The following MLLT10 variants were observed in gnomAD, a reference collection of about 807,000 sequenced individuals.
MLLT10 encodes MLLT10 histone lysine methyltransferase DOT1L cofactor.
Under a neutral mutation model 129.1 loss-of-function variants are expected in MLLT10, and 30 were observed. The observed-to-expected ratio is 0.23, with a 90% confidence interval of 0.17 to 0.32. MLLT10 has a LOEUF of 0.32. Among genes scored for constraint, MLLT10 ranks in the 10% least tolerant of loss-of-function variants. The probability of loss-of-function intolerance (pLI) is 1.00; values close to 1 mark genes in which losing one functional copy is unlikely to be tolerated. For missense variants in MLLT10, 1,119 were observed against 1,268.3 expected (o/e 0.88, Z 1.79); for synonymous variants, 490 against 446.4 (o/e 1.10, Z -1.23).
chr10:21,569,513 T>C (rs559110871), intron 3 of MLLT10, among the ~76,000 whole-genome samples: 2 of 151,292 alleles, frequency 1.3e-5, no homozygotes, highest in South Asian at 4.2e-4. Flanking sequence ...CTCCACCTCC[T>C]GGGTTCAAGC....
chr10:21,691,788 C>T (rs1239778984), intron 13 of MLLT10, among the ~76,000 whole-genome samples: 3 of 151,944 alleles, frequency 2.0e-5, no homozygotes, highest in Non-Finnish European at 4.4e-5. Flanking sequence ...GCAATGGTTA[C>T]AGCCAAGGAA....
intron 8 of MLLT10, among the ~76,000 whole-genome samples, chr10:21,620,353 C>A (rs765186374): frequency 6.6e-5 from 10 of 152,110 alleles, no homozygotes; most frequent in Non-Finnish European, 1.2e-4. Context: ...ACAGACAGTT[C>A]CCAATTTGAA....
intron 10 of MLLT10, 101 bp from the exon 11 acceptor site, chr10:21,673,249 A>G: frequency 1.4e-6 from 1 of 699,048 alleles, no homozygotes; most frequent in Non-Finnish European, 2.2e-6. Flanking sequence ...CTTCTCTTTA[A>G]TGATTATATC....
chr10:21,601,577 G>A (rs1332938766), intron 5 of MLLT10, among the ~76,000 whole-genome samples: 1 of 152,160 alleles, frequency 6.6e-6, no homozygotes, highest in East Asian at 1.9e-4. Context: ...CCAGGGTGGA[G>A]TGCAGTGGAC....
chr10:21,602,360 T>G (rs74120978), intron 5 of MLLT10, among the ~76,000 whole-genome samples: 1 of 152,156 alleles, frequency 6.6e-6, no homozygotes, highest in Non-Finnish European at 1.5e-5. Flanking sequence ...TTATTTATTT[T>G]TTTTTGAAAG....
intron 8 of MLLT10, among the ~76,000 whole-genome samples, chr10:21,643,476 T>C (rs528082867): frequency 7.9e-5 from 12 of 152,354 alleles, no homozygotes; most frequent in Middle Eastern, 3.4e-3. Context: ...CCACAGCTAT[T>C]CCAGTAAGTT....
chr10:21,651,601 T>TA (rs908785724), intron 8 of MLLT10, 72 bp from the exon 9 acceptor site: 15 of 974,196 alleles, frequency 1.5e-5, no homozygotes, highest in South Asian at 3.0e-5. Flanking sequence ...TTACTAGTTA[T>TA]AAAAAAATCT....
intron 4 of MLLT10, among the ~76,000 whole-genome samples, chr10:21,594,436 C>T (rs1322683552): frequency 6.6e-6 from 1 of 151,280 alleles, no homozygotes; most frequent in Admixed American, 6.6e-5. Context: ...GTAATCCCAG[C>T]TACTGGGTCA....
chr10:21,644,589 T>C (rs1376513022), intron 8 of MLLT10, among the ~76,000 whole-genome samples: 2 of 152,142 alleles, frequency 1.3e-5, no homozygotes, highest in African/African-American at 2.4e-5. Flanking sequence ...CTCAAGTGTT[T>C]GGGTGTATTT....
intron 17 of MLLT10, 146 bp from the exon 18 acceptor site, chr10:21,732,753 A>G: frequency 1.5e-6 from 1 of 648,608 alleles, no homozygotes; most frequent in Non-Finnish European, 2.4e-6. Context: ...AAACAAATTT[A>G]GGAACAAAAC....
intron 13 of MLLT10, among the ~76,000 whole-genome samples, chr10:21,689,563 A>ATATATG (rs1491529253): frequency 3.6e-4 from 32 of 89,384 alleles, no homozygotes; most frequent in African/African-American, 7.7e-4. Context: ...ATATATATAT[A>ATATATG]TGTATATATA....
At chr10:21,702,877 C>G (rs893627421) in intron 13 of MLLT10, among the ~76,000 whole-genome samples, 2 of 152,094 alleles carry the variant, frequency 1.3e-5, no homozygotes, top group African/African-American at 4.8e-5. Flanking sequence ...TTAATTCATT[C>G]ACCTAGTTGA....
chr10:21,607,000 C>T (rs1385610974), intron 5 of MLLT10, among the ~76,000 whole-genome samples: 2 of 152,130 alleles, frequency 1.3e-5, no homozygotes, highest in Admixed American at 1.3e-4. Context: ...TGGTAGTTCA[C>T]ACCTTTAATC....
intron 2 of MLLT10, among the ~76,000 whole-genome samples, chr10:21,536,891 C>G (rs1486374118): frequency 1.3e-5 from 2 of 152,050 alleles, no homozygotes; most frequent in African/African-American, 4.8e-5. Flanking sequence ...TCAAGTGATT[C>G]TCCTACCTCA....
chr10:21,707,929 C>G (rs1029680382), intron 13 of MLLT10, among the ~76,000 whole-genome samples: 1 of 152,320 alleles, frequency 6.6e-6, no homozygotes, highest in East Asian at 1.9e-4. Flanking sequence ...AACCTTTAAG[C>G]CTTGTCTTAA....
intron 3 of MLLT10, among the ~76,000 whole-genome samples, chr10:21,541,512 T>C (rs1292262931): frequency 6.6e-6 from 1 of 152,116 alleles, no homozygotes; most frequent in Admixed American, 6.6e-5. Context: ...CAGTCTCCCA[T>C]GTATCTGGGA....
chr10:21,734,269 G>A, intron 20 of MLLT10, 140 bp downstream of exon 20: 1 of 849,008 alleles, frequency 1.2e-6, no homozygotes, highest in Non-Finnish European at 1.7e-6. Context: ...ATATTATACA[G>A]AGTACATTTA....
intron 3 of MLLT10, among the ~76,000 whole-genome samples, chr10:21,555,790 C>A (rs2037847446): frequency 6.6e-6 from 1 of 151,318 alleles, no homozygotes. Context: ...GCCTCAGCCT[C>A]CTGAGTAGCT....
At chr10:21,589,283 T>C (rs1234380122) in intron 4 of MLLT10, among the ~76,000 whole-genome samples, 1 of 152,068 alleles carries the variant, frequency 6.6e-6, no homozygotes, top group Non-Finnish European at 1.5e-5. Context: ...ATGATGTCTG[T>C]ATTTTGAGTT....
Sources: gnomAD v4.1 joint callset for allele counts (sites outside exome capture counted in the v4.1 genomes callset) on GRCh38, gnomAD v4.1.1 for gene constraint, MANE v1.5 for transcripts, NCBI Gene and HGNC (gene_info 2026-07-23, HGNC 2026-07-21) for gene names.